CTNNA3: variants seen among roughly 807,000 people sequenced by gnomAD.
CTNNA3 encodes catenin alpha-3.
A neutral mutation model predicts 95.7 loss-of-function variants in CTNNA3; 76 were observed. The ratio of observed to expected loss-of-function variants is 0.79; its 90% CI spans 0.66 to 0.96. CTNNA3 has a LOEUF of 0.96. Ranked by LOEUF, CTNNA3 falls within the 40% of genes least tolerant of loss-of-function variation. The pLI is 0.00. For missense variants in CTNNA3, 1,191 were observed against 1,089.8 expected, an observed-to-expected ratio of 1.09 and a Z score of -1.31; for synonymous variants, 431 against 374.4, an observed-to-expected ratio of 1.15 and a Z score of -1.74.
chr10:66,537,083 C>T (rs1390440220), intron 10 of CTNNA3, among the ~76,000 whole-genome samples: 1 of 151,546 alleles, frequency 6.6e-6, no homozygotes, highest in Non-Finnish European at 1.5e-5. Flanking sequence ...AAATATATAA[C>T]TATGGGTGGC....
intron 12 of CTNNA3, among the ~76,000 whole-genome samples, chr10:66,364,490 T>G (rs1432491338): frequency 6.6e-6 from 1 of 152,054 alleles, no homozygotes; most frequent in Non-Finnish European, 1.5e-5. Flanking sequence ...AAAACAACAC[T>G]TTTTTATATT....
intron 7 of CTNNA3, chr10:67,097,935 T>G (rs1406050509): frequency 2.3e-5 from 16 of 698,700 alleles, no homozygotes; most frequent in Admixed American, 8.4e-5. Flanking sequence ...AATCCAAGAT[T>G]GATTCATGAA....
At chr10:66,396,498 C>T (rs1295398442) in intron 11 of CTNNA3, among the ~76,000 whole-genome samples, 2 of 152,014 alleles carry the variant, frequency 1.3e-5, no homozygotes, top group Non-Finnish European at 2.9e-5. Context: ...TGGGCATCCA[C>T]ATGAAAGTGA....
chr10:66,161,619 C>T (rs1200273988), intron 13 of CTNNA3, among the ~76,000 whole-genome samples: 1 of 152,200 alleles, frequency 6.6e-6, no homozygotes, highest in Non-Finnish European at 1.5e-5. Flanking sequence ...TTCTGTCTCA[C>T]AGCTCTTAAG....
chr10:66,559,748 A>G (rs187106804), intron 10 of CTNNA3, among the ~76,000 whole-genome samples: 2 of 152,044 alleles, frequency 1.3e-5, no homozygotes, highest in African/African-American at 4.8e-5. Context: ...CACAGTTTAA[A>G]CCACCAATTC....
chr10:66,454,926 C>A (rs1416489430), intron 11 of CTNNA3, among the ~76,000 whole-genome samples: 1 of 151,976 alleles, frequency 6.6e-6, no homozygotes, highest in African/African-American at 2.4e-5. Context: ...TATGTCTGTA[C>A]CACAACCAAA....
intron 13 of CTNNA3, among the ~76,000 whole-genome samples, chr10:66,214,136 C>T (rs2088360330): frequency 6.6e-6 from 1 of 152,154 alleles, no homozygotes; most frequent in East Asian, 1.9e-4. Context: ...AGCAGCCTGC[C>T]AAACACACAG....
intron 5 of CTNNA3, among the ~76,000 whole-genome samples, chr10:67,499,565 GC>G (rs1325339752): frequency 6.6e-6 from 1 of 152,100 alleles, no homozygotes; most frequent in African/African-American, 2.4e-5. Context: ...CTGGTCCTGG[GC>G]TTTTTTTGGT....
At chr10:67,503,175 C>T (rs996696115) in intron 5 of CTNNA3, among the ~76,000 whole-genome samples, 2 of 152,170 alleles carry the variant, frequency 1.3e-5, no homozygotes, top group Non-Finnish European at 2.9e-5. Context: ...CGGAATGCAC[C>T]GTTCCTCACA....
intron 11 of CTNNA3, among the ~76,000 whole-genome samples, chr10:66,497,131 A>AG (rs1175161759): frequency 6.6e-6 from 1 of 152,096 alleles, no homozygotes; most frequent in African/African-American, 2.4e-5. Context: ...TCTGAGTTAC[A>AG]GGGGGTTACG....
In CTNNA3 at chr10:67,260,228, A is replaced by G. The variant is rs559444052; in HGVS notation, c.580-40358T>C. ...GATAATGGAGAAGGAAAGAGTGGGC[A>G]AGAACCTAGCTTCTGAGGAACAGAA... On this transcript the variant is annotated intron_variant, in intron 5 of 17. Coordinates refer to ENST00000433211, the MANE Select transcript of CTNNA3 (RefSeq NM_013266.4). 1.0e-3 allele frequency among the ~76,000 whole-genome samples: 153 copies of G among 152,158 alleles called. 1 individual carries two copies. Among genetic ancestry groups the G allele is most frequent in the African/African-American group, 3.6e-3 (150 of 41,502 alleles).
intron 6 of CTNNA3, among the ~76,000 whole-genome samples, chr10:67,196,759 A>T (rs1254891951): frequency 6.6e-6 from 1 of 152,098 alleles, no homozygotes; most frequent in Non-Finnish European, 1.5e-5. Context: ...ATCTCTGTAT[A>T]AAAGAATAGT....
intron 7 of CTNNA3, chr10:66,926,632 CAAAA>C: frequency 6.3e-7 from 1 of 1,598,182 alleles, no homozygotes; most frequent in Non-Finnish European, 8.6e-7. Flanking sequence ...AAACAAAAAA[CAAAA>C]AACCTCTAGT....
At chr10:67,406,795 A>C (rs968217168) in intron 5 of CTNNA3, among the ~76,000 whole-genome samples, 4 of 152,190 alleles carry the variant, frequency 2.6e-5, no homozygotes, top group Non-Finnish European at 5.9e-5. Context: ...GAACACCTCT[A>C]TGCACACAAA....
At chr10:67,580,256 T>A (rs983399359) in intron 3 of CTNNA3, among the ~76,000 whole-genome samples, 2 of 152,244 alleles carry the variant, frequency 1.3e-5, no homozygotes, top group African/African-American at 2.4e-5. Context: ...AGGGATTCAG[T>A]TTTAACTTTC....
chr10:67,062,775 G>A (rs1053369678), intron 7 of CTNNA3, among the ~76,000 whole-genome samples: 1 of 152,066 alleles, frequency 6.6e-6, no homozygotes, highest in Non-Finnish European at 1.5e-5. Flanking sequence ...TGCTAATGAG[G>A]TACACTTGCA....
chr10:67,702,663 A>C (rs1417539313), intron 1 of CTNNA3, among the ~76,000 whole-genome samples: 2 of 152,192 alleles, frequency 1.3e-5, no homozygotes, highest in African/African-American at 4.8e-5. Context: ...AAATGCCCAC[A>C]AGAGAAAGCA....
chr10:66,569,708 A>G (rs1374039239), intron 10 of CTNNA3, among the ~76,000 whole-genome samples: 1 of 152,156 alleles, frequency 6.6e-6, no homozygotes, highest in African/African-American at 2.4e-5. Flanking sequence ...CAAATATATC[A>G]GCTTGTACAG....
intron 7 of CTNNA3, among the ~76,000 whole-genome samples, chr10:66,839,006 C>T (rs769522716): frequency 1.0e-4 from 15 of 146,512 alleles, no homozygotes; most frequent in African/African-American, 2.0e-4. Context: ...CCTATGTTAT[C>T]GATGTATGCC....
Sources: gnomAD v4.1 joint callset for allele counts (sites outside exome capture counted in the v4.1 genomes callset) on GRCh38, gnomAD v4.1.1 for gene constraint, MANE v1.5 for transcripts, NCBI Gene and HGNC (gene_info 2026-07-23, HGNC 2026-07-21) for gene names.